The following BCAR3 variants were observed in gnomAD, a reference collection of about 807,000 sequenced individuals.
BCAR3 encodes breast cancer anti-estrogen resistance protein 3.
In BCAR3, 37 loss-of-function variants were observed where a neutral mutation model predicts 80.1. The observed-to-expected ratio is 0.46, with a 90% CI of 0.36 to 0.61. The LOEUF is 0.61. Ranked by LOEUF, BCAR3 falls within the 20% of genes least tolerant of loss-of-function variation. The pLI is 0.00. For missense variants in BCAR3, 978 were observed against 1,068.2 expected, an observed-to-expected ratio of 0.92 and a Z score of 1.18; for synonymous variants, 389 against 418.9, an observed-to-expected ratio of 0.93 and a Z score of 0.87.
chr1:93,692,152 C>A (rs961421504), intron 3 of BCAR3, among the ~76,000 whole-genome samples: 12 of 152,294 alleles, frequency 7.9e-5, no homozygotes, highest in African/African-American at 2.4e-4. Context: ...GTGCTCGCCG[C>A]ACAGCTCGGC....
intron 2 of BCAR3, among the ~76,000 whole-genome samples, chr1:93,769,238 A>G (rs1557682267): frequency 6.6e-6 from 1 of 152,230 alleles, no homozygotes; most frequent in Non-Finnish European, 1.5e-5. Flanking sequence ...ATTGCTGCAT[A>G]AGCAGCTCTT....
At chr1:93,653,721 G>A (rs887377655) in intron 2 of BCAR3, among the ~76,000 whole-genome samples, 3 of 152,202 alleles carry the variant, frequency 2.0e-5, no homozygotes, top group African/African-American at 4.8e-5. Flanking sequence ...CTGTGGAGAG[G>A]CCTCCAGGCA....
intron 7 of BCAR3, among the ~76,000 whole-genome samples, chr1:93,580,921 G>C (rs1227623343): frequency 6.6e-6 from 1 of 152,186 alleles, no homozygotes; most frequent in African/African-American, 2.4e-5. Flanking sequence ...AGCACTTTGA[G>C]AGGCCAAGGC....
At chr1:93,748,959 C>T (rs1651450139) in intron 2 of BCAR3, among the ~76,000 whole-genome samples, 2 of 152,232 alleles carry the variant, frequency 1.3e-5, no homozygotes, top group South Asian at 4.2e-4. Context: ...TGACTGGGTC[C>T]TCAAGTAGCC....
At position 93,734,930 on chromosome 1, in the gene BCAR3, G is replaced by C. The variant is rs149485641; in HGVS notation, c.-62-28788C>G. On this transcript the variant is annotated intron_variant, in intron 2 of 13. Coordinates refer to the BCAR3 transcript ENST00000370244. ...TGGTCCTCCCTCACTCCCAGACTAG[G>C]TTAACCTCTCTACCAGACACCCATG... Among the ~76,000 whole-genome samples, 3 of 152,230 alleles carry C rather than the reference G, an allele frequency of 2.0e-5. No homozygotes were observed. The East Asian group carries it at 5.8e-4, about 29-fold the overall frequency.
At chr1:93,564,575 G>C (rs1037023312) in intron 11 of BCAR3, among the ~76,000 whole-genome samples, 8 of 152,260 alleles carry the variant, frequency 5.3e-5, no homozygotes, top group African/African-American at 1.7e-4. Context: ...ACCGTGCCTG[G>C]CCAAGAAGTC....
intron 2 of BCAR3, among the ~76,000 whole-genome samples, chr1:93,747,500 G>A (rs1356809999): frequency 6.6e-6 from 1 of 151,618 alleles, no homozygotes; most frequent in African/African-American, 2.4e-5. Context: ...TTCACCCAAT[G>A]AGATTAAACG....
intron 2 of BCAR3, among the ~76,000 whole-genome samples, chr1:93,826,697 T>C (rs564990478): frequency 6.6e-6 from 1 of 152,102 alleles, no homozygotes; most frequent in African/African-American, 2.4e-5. Context: ...ATAACAGGAA[T>C]TGGGGGCAGA....
chr1:93,648,125 T>C (rs1196955686), intron 2 of BCAR3, among the ~76,000 whole-genome samples: 1 of 152,218 alleles, frequency 6.6e-6, no homozygotes, highest in Non-Finnish European at 1.5e-5. Context: ...GCCAGTGGAC[T>C]ATCTCTACAT....
intron 2 of BCAR3, among the ~76,000 whole-genome samples, chr1:93,738,915 A>T (rs1651086066): frequency 6.6e-6 from 1 of 152,120 alleles, no homozygotes; most frequent in African/African-American, 2.4e-5. Context: ...AGGGCCAGAG[A>T]ATAGGAGCCG....
chr1:93,749,196 C>T (rs1651459092), intron 2 of BCAR3, among the ~76,000 whole-genome samples: 1 of 151,890 alleles, frequency 6.6e-6, no homozygotes, highest in South Asian at 2.1e-4. Context: ...ACTATGGCTT[C>T]CAGAGCCACT....
At chr1:93,749,191 G>T (rs1021359841) in intron 2 of BCAR3, among the ~76,000 whole-genome samples, 18 of 151,864 alleles carry the variant, frequency 1.2e-4, no homozygotes, top group African/African-American at 4.4e-4. Flanking sequence ...CTCTCACTAT[G>T]GCTTCCAGAG....
chr1:93,765,437 T>G (rs968763686), intron 2 of BCAR3, among the ~76,000 whole-genome samples: 1 of 152,132 alleles, frequency 6.6e-6, no homozygotes, highest in Non-Finnish European at 1.5e-5. Context: ...GGATCACCAG[T>G]CAGCATCTCT....
At chr1:93,810,558 TC>T (rs2100803081) in intron 2 of BCAR3, among the ~76,000 whole-genome samples, 1 of 152,254 alleles carries the variant, frequency 6.6e-6, no homozygotes, top group African/African-American at 2.4e-5. Flanking sequence ...AAACCACATG[TC>T]CCTGCAGCAT....
Position 93,592,227 on chromosome 1 carries a change from G to A in BCAR3, c.486+38C>T. On this transcript the variant is annotated intron_variant, in intron 4 of 11. Coordinates refer to ENST00000260502, the MANE Select transcript of BCAR3 (RefSeq NM_003567.4). The surrounding 1 kb of genome is among the most constrained non-coding windows in gnomAD (Gnocchi z 4.8). The stretch of plus-strand genomic sequence containing the variant: ...TCATCAATCTGTACATTGCCTGAGA[G>A]CAGCCGTGTATGCTCTGGAAGGGAC... 6.2e-7 allele frequency: 1 copy of A among 1,611,936 alleles called. No individual in the cohort carries two copies. Among genetic ancestry groups the A allele is most frequent in the Non-Finnish European group, 8.5e-7 (1 of 1,179,666 alleles).
chr1:93,680,231 A>C (rs1357124269), intron 1 of BCAR3, among the ~76,000 whole-genome samples: 2 of 152,244 alleles, frequency 1.3e-5, no homozygotes, highest in Admixed American at 6.5e-5. Flanking sequence ...ATTAGCATCC[A>C]TTTGACAAGC....
intron 2 of BCAR3, among the ~76,000 whole-genome samples, chr1:93,671,583 C>T (rs1434793797): frequency 6.6e-6 from 1 of 152,186 alleles, no homozygotes; most frequent in Non-Finnish European, 1.5e-5. Context: ...AAAGAGGTGA[C>T]TGAGCTGGAG....
intron 2 of BCAR3, among the ~76,000 whole-genome samples, chr1:93,816,225 A>G (rs1391780384): frequency 6.6e-6 from 1 of 152,212 alleles, no homozygotes; most frequent in Non-Finnish European, 1.5e-5. Flanking sequence ...TGACTAGTTT[A>G]TTCTATCACT....
At chr1:93,647,529 A>G (rs1676178511) in intron 2 of BCAR3, among the ~76,000 whole-genome samples, 1 of 152,214 alleles carries the variant, frequency 6.6e-6, no homozygotes, top group Non-Finnish European at 1.5e-5. Flanking sequence ...AGCAGCTAGC[A>G]TGACCCAATT....
Sources: allele counts gnomAD v4.1 joint callset (sites outside exome capture counted in the v4.1 genomes callset), GRCh38; gene constraint gnomAD v4.1.1; non-coding constraint Gnocchi (gnomAD v3.1); transcripts MANE v1.5; gene names NCBI Gene and HGNC (gene_info 2026-07-23, HGNC 2026-07-21).